The following MEIS3 variants were observed in gnomAD, a reference collection of about 807,000 sequenced individuals.
The protein encoded by MEIS3 is Meis homeobox 3.
Under a neutral mutation model 51.4 loss-of-function variants are expected in MEIS3, and 38 were observed. That is an observed-to-expected ratio of 0.74 (90% CI 0.57 to 0.97). The LOEUF (loss-of-function observed/expected upper bound fraction) is 0.97, where lower values mean the gene tolerates loss of function less well. Ranked by LOEUF, MEIS3 falls within the 50% of genes least tolerant of loss-of-function variation. MEIS3 has a pLI of 0.00. For missense variants in MEIS3, 456 were observed against 502.6 expected (o/e 0.91, Z 0.89); for synonymous variants, 198 against 201.8 (o/e 0.98, Z 0.16).
Position 47,407,096 on chromosome 19 carries a change from T to A in MEIS3, c.977A>T (p.Asp326Val). ...CCCTGTACCTGTGCGGTTGGATTGATCGATCATAGGTTGCACGATGCGTCT... is the reference window on the plus strand; with the variant it reads ...CCCTGTACCTGTGCGGTTGGATTGAACGATCATAGGTTGCACGATGCGTCT... ...ARRRIVQPMIDQSNRTGQGAA... is the reference protein window; with the variant it reads ...ARRRIVQPMIVQSNRTGQGAA... Residue 326 changes from aspartate (D) to valine (V), a missense_variant, in exon 10 of 13, where the codon GAT becomes GTT. Coordinates refer to ENST00000558555, the MANE Select transcript of MEIS3 (RefSeq NM_001301059.2). The A allele has an allele frequency of 1.9e-6, 3 of 1,611,656 alleles. No individual in the cohort carries two copies. The highest frequency in any genetic ancestry group is 2.5e-6 in the Non-Finnish European group (3 of 1,179,240).
At chr19:47,421,476 T>C (rs987709297), upstream of MEIS3, among the ~76,000 whole-genome samples, 4 of 152,270 alleles carry the variant, frequency 2.6e-5, no homozygotes, top group Middle Eastern at 3.4e-3. Context: ...GGATCCACCT[T>C]GGGTTCCTCC....
upstream of MEIS3, among the ~76,000 whole-genome samples, chr19:47,420,558 GGAGA>G (rs372574588): frequency 7.5e-6 from 1 of 133,596 alleles, no homozygotes; most frequent in Non-Finnish European, 1.6e-5. Flanking sequence ...GCGGGTGGGA[GGAGA>G]GAGAGAGAGA....
chr19:47,415,121 G>C lies in MEIS3; in HGVS notation c.397-20C>G. On this transcript the variant is annotated intron_variant, in intron 4 of 12. Coordinates refer to ENST00000558555, the MANE Select transcript of MEIS3 (RefSeq NM_001301059.2). ...GATCATCTGAAAACGTGGGCGGGAG[G>C]TGGGGGGAGACAGAGGGAATTGGGG... is the stretch of plus-strand genomic sequence containing the variant. 6.0e-6 allele frequency: 9 copies of C among 1,508,130 alleles called. No homozygotes were observed. The highest frequency in any genetic ancestry group is 8.1e-6 in the Non-Finnish European group (9 of 1,110,472). The allele number at this position is 1,508,130 out of a possible 1,614,324, so 93.4% of individuals were successfully genotyped here. A position where few individuals can be genotyped will look rare whatever the true frequency, so the allele number is the denominator to read the frequency against.
intron 1 of MEIS3, chr19:47,418,310 C>A (rs756654867): frequency 2.3e-4 from 35 of 152,796 alleles, no homozygotes; most frequent in Non-Finnish European, 3.9e-4. Context: ...TGGCTGGGCA[C>A]CCTGGTTCTG....
At position 47,416,889 on chromosome 19, in the gene MEIS3, G is replaced by A; in HGVS notation, c.260C>T (p.Ala87Val). The part of the protein sequence containing the change: ...ELATCSPRDG[A>V]GAGLGTPPGG... Reference sequence around the variant, plus strand: ...AGGGGGTGTCCCCAGCCCAGCTCCGGCCCCGTCACGGGGAGAGCATGTAGC... The same window carrying A: ...AGGGGGTGTCCCCAGCCCAGCTCCGACCCCGTCACGGGGAGAGCATGTAGC... Residue 87 changes from alanine to valine, a missense_variant, in exon 3 of 13, where the codon GCC becomes GTC. Transcript: ENST00000558555. The A allele has an allele frequency of 6.2e-7, 1 of 1,613,642 alleles. No homozygotes were observed. The highest frequency in any genetic ancestry group is 8.5e-7 in the Non-Finnish European group (1 of 1,179,924).
At chr19:47,418,959 G>T in intron 1 of MEIS3, 111 bp downstream of exon 1, 1 of 618,068 alleles carries the variant, frequency 1.6e-6, no homozygotes, top group Non-Finnish European at 2.3e-6. Flanking sequence ...GAGAGAGCGA[G>T]GTGGTGTAGA....
chr19:47,420,150 C>T (rs1179906461), upstream of MEIS3, among the ~76,000 whole-genome samples: 1 of 152,186 alleles, frequency 6.6e-6, no homozygotes, highest in Non-Finnish European at 1.5e-5. Flanking sequence ...GGTCTGGAGG[C>T]CTTGCCTTTC....
intron 2 of MEIS3, 71 bp downstream of exon 2, chr19:47,417,107 C>A: frequency 6.5e-7 from 1 of 1,541,720 alleles, no homozygotes. Context: ...GAGACAGAAG[C>A]AGACCCAGGG....
In MEIS3 at chr19:47,414,806, G is replaced by C; in HGVS notation, c.508C>G (p.Pro170Ala). ...CGATCCTCGATGACCAGGTCGATGG[G>C]CATCTTTCCCTTGAGGCAGGTGATG... Reference protein sequence around the residue: ...RYITCLKGKMPIDLVIEDRDG... With the variant: ...RYITCLKGKMAIDLVIEDRDG... The change falls in exon 6 of 13, where the codon CCC becomes GCC. Residue 170 changes from proline to alanine, a missense_variant. Physicochemically the swap from Pro to Ala is conservative, Grantham distance 27. Coordinates refer to ENST00000558555, the MANE Select transcript of MEIS3 (RefSeq NM_001301059.2). 6.2e-7 allele frequency: 1 copy of C among 1,613,210 alleles called. No homozygotes were observed. The highest frequency in any genetic ancestry group is 2.2e-5 in the East Asian group (1 of 44,844).
chr19:47,419,056 G>A lies in MEIS3; in HGVS notation c.12+14C>T. 1 of 1,244,546 alleles carries A rather than the reference G, an allele frequency of 8.0e-7. No individual in the cohort carries two copies. Among genetic ancestry groups the A allele is most frequent in the Non-Finnish European group, 1.0e-6 (1 of 995,554 alleles). The allele number at this position is 1,244,546 out of a possible 1,614,324, so 77.1% of individuals were successfully genotyped here. A position where few individuals can be genotyped will look rare whatever the true frequency, so the allele number is the denominator to read the frequency against. ...GAAGCGGCCGGGACGCGGGGTCCCC[G>A]CCCCGAGACCTACCCTCCGGGCCAT... On this transcript the variant is annotated intron_variant, in intron 1 of 12. Transcript: ENST00000558555.
At chr19:47,408,856 T>C (rs1970975283) in intron 8 of MEIS3, among the ~76,000 whole-genome samples, 1 of 152,110 alleles carries the variant, frequency 6.6e-6, no homozygotes, top group African/African-American at 2.4e-5. Flanking sequence ...GGATGATTGA[T>C]GCGCGGGTTA....
chr19:47,404,324 C>T (rs534700194), intron 12 of MEIS3, among the ~76,000 whole-genome samples: 5 of 152,230 alleles, frequency 3.3e-5, no homozygotes, highest in Admixed American at 2.0e-4. Context: ...AGAGCTGAGT[C>T]GCCCACTGCC....
intron 6 of MEIS3, among the ~76,000 whole-genome samples, chr19:47,413,789 G>A (rs1279228872): frequency 6.6e-6 from 1 of 150,480 alleles, no homozygotes; most frequent in South Asian, 2.1e-4. Context: ...GTGCAGTGGT[G>A]CGATCCTGGC....
At chr19:47,416,571 C>G in intron 4 of MEIS3, 81 bp downstream of exon 4, 2 of 1,212,980 alleles carry the variant, frequency 1.6e-6, no homozygotes, top group East Asian at 2.6e-5. Context: ...TCTCTGCACC[C>G]CCCCCACCAA....
chr19:47,412,558 G>T (rs1329691725), intron 6 of MEIS3, among the ~76,000 whole-genome samples: 1 of 151,078 alleles, frequency 6.6e-6, no homozygotes, highest in East Asian at 2.0e-4. Flanking sequence ...CAGCTAATTT[G>T]TTGTTGTTTG....
intron 8 of MEIS3, 102 bp downstream of exon 8, chr19:47,408,997 G>T (rs1409624371): frequency 2.1e-6 from 3 of 1,399,660 alleles, no homozygotes; most frequent in African/African-American, 1.4e-5. Context: ...ATTTCCTGCC[G>T]TCTTTCTCCC....
intron 8 of MEIS3, among the ~76,000 whole-genome samples, chr19:47,407,806 CATTT>C (rs755102349): frequency 6.6e-6 from 1 of 152,024 alleles, no homozygotes; most frequent in South Asian, 2.1e-4. Context: ...TCTCCCTATC[CATTT>C]ATTTATTTAT....
chr19:47,410,562 C>T (rs1283743628), intron 6 of MEIS3, among the ~76,000 whole-genome samples: 2 of 151,208 alleles, frequency 1.3e-5, no homozygotes, highest in Non-Finnish European at 2.9e-5. Flanking sequence ...GTCAGGAGAT[C>T]GAGACCATCC....
intron 8 of MEIS3, among the ~76,000 whole-genome samples, chr19:47,408,898 T>C (rs1214181012): frequency 6.6e-6 from 1 of 152,018 alleles, no homozygotes; most frequent in Non-Finnish European, 1.5e-5. Flanking sequence ...CTTAGTGAGT[T>C]AAGTGTCCTG....
Sources: allele counts gnomAD v4.1 joint callset (sites outside exome capture counted in the v4.1 genomes callset), GRCh38; gene constraint gnomAD v4.1.1; transcripts MANE v1.5; gene names NCBI Gene and HGNC (gene_info 2026-07-23, HGNC 2026-07-21).